The following USP54 variants were observed in gnomAD, a reference collection of about 807,000 sequenced individuals.
USP54 encodes the protein ubiquitin carboxyl-terminal hydrolase 54.
A neutral mutation model predicts 170.5 loss-of-function variants in USP54; 87 were observed. That is an observed-to-expected ratio of 0.51 (90% confidence interval 0.43 to 0.61). USP54 has a LOEUF of 0.61. Ranked by LOEUF, USP54 falls within the 20% of genes least tolerant of loss-of-function variation. USP54 has a pLI of 0.00. For synonymous variants in USP54, 655 were observed against 742.8 expected, an observed-to-expected ratio of 0.88 and a Z score of 1.92; for missense variants, 1,786 against 2,047.8, an observed-to-expected ratio of 0.87 and a Z score of 2.47.
chr10:73,498,660 C>T lies in USP54; in HGVS notation c.5024G>A (p.Arg1675Lys), dbSNP rs1329011707. 6.4e-7 allele frequency: 1 copy of T among 1,571,836 alleles called. No homozygotes were observed. The highest frequency in any genetic ancestry group is 2.3e-5 in the East Asian group (1 of 44,428). Residue 1675 changes from arginine to lysine, a missense_variant, in exon 24 of 24, where the codon AGG (arginine) becomes AAG (lysine). Around this residue, in one of 3 missense-constraint regions of USP54, gnomAD observed 1,418 missense variants for 1,569.0 expected, o/e 0.90. Coordinates refer to ENST00000687698, the MANE Select transcript of USP54 (RefSeq NM_001391956.1). ...LSDAPRREQIRARVLQHSQW is the reference protein window; with the variant it reads ...LSDAPRREQIKARVLQHSQW ...TTGACTGTGCTGCAGGACTCTAGCCCTGATCTGCTCTCTTCTGGGAGCATC... is the reference window on the plus strand; with the variant it reads ...TTGACTGTGCTGCAGGACTCTAGCCTTGATCTGCTCTCTTCTGGGAGCATC...
At chr10:73,578,686 G>A (rs193164853) in intron 1 of USP54, among the ~76,000 whole-genome samples, 28 of 152,306 alleles carry the variant, frequency 1.8e-4, no homozygotes, top group African/African-American at 6.5e-4. Context: ...TTACAGGCAT[G>A]AGCCACCGCA....
intron 1 of USP54, among the ~76,000 whole-genome samples, chr10:73,621,939 C>A (rs2081127903): frequency 6.6e-6 from 1 of 152,078 alleles, no homozygotes; most frequent in Non-Finnish European, 1.5e-5. Flanking sequence ...AAAACAGATA[C>A]CCCTATCCAT....
intron 1 of USP54, among the ~76,000 whole-genome samples, chr10:73,600,914 C>CA (rs1301403680): frequency 1.3e-5 from 2 of 152,098 alleles, no homozygotes; most frequent in Non-Finnish European, 2.9e-5. Flanking sequence ...AACTCTATCT[C>CA]AAAAAACTAC....
intron 15 of USP54, among the ~76,000 whole-genome samples, chr10:73,527,307 G>A (rs1180019469): frequency 1.3e-5 from 2 of 152,014 alleles, no homozygotes; most frequent in Admixed American, 6.6e-5. Context: ...AGACCATCCT[G>A]GCCAACATGG....
At chr10:73,521,914 T>A (rs2061961655) in intron 17 of USP54, among the ~76,000 whole-genome samples, 2 of 152,186 alleles carry the variant, frequency 1.3e-5, no homozygotes, top group African/African-American at 4.8e-5. Context: ...TGTTTATGTA[T>A]CCCTTGCCCT....
intron 16 of USP54, among the ~76,000 whole-genome samples, chr10:73,524,473 G>A (rs971780955): frequency 7.6e-4 from 115 of 152,016 alleles, no homozygotes; most frequent in African/African-American, 2.5e-3. Flanking sequence ...CCAGCTACTC[G>A]GGAGGCTGAG....
At chr10:73,505,060 C>T in intron 21 of USP54, 70 bp from the exon 22 acceptor site, 1 of 1,600,836 alleles carries the variant, frequency 6.2e-7, no homozygotes, top group Non-Finnish European at 8.5e-7. Context: ...AGACAGTATC[C>T]TCAGGGTATG....
intron 3 of USP54, among the ~76,000 whole-genome samples, chr10:73,574,198 A>G (rs1266134111): frequency 6.6e-6 from 1 of 152,204 alleles, no homozygotes; most frequent in African/African-American, 2.4e-5. Context: ...AGATCACTCA[A>G]GTGGCAAGCA....
At chr10:73,507,669 CAA>C (rs913305815) in intron 20 of USP54, among the ~76,000 whole-genome samples, 2 of 22,468 alleles carry the variant, frequency 8.9e-5, no homozygotes, top group African/African-American at 1.8e-4. Flanking sequence ...GACTCCGTCG[CAA>C]AAAAAAAAAA....
At chr10:73,592,275 C>T (rs938289629), upstream of USP54, among the ~76,000 whole-genome samples, 21 of 151,854 alleles carry the variant, frequency 1.4e-4, no homozygotes, top group Non-Finnish European at 4.4e-5. Context: ...CAGCAGAATC[C>T]TTGCCAAATA....
At chr10:73,532,274 G>A (rs538735645) in intron 12 of USP54, among the ~76,000 whole-genome samples, 363 of 152,046 alleles carry the variant, frequency 2.4e-3, no homozygotes, top group African/African-American at 8.6e-3. Context: ...CCGGGTTCAC[G>A]CCATTCTCCT....
chr10:73,507,840 G>T (rs1032233657), intron 20 of USP54, among the ~76,000 whole-genome samples: 13 of 151,514 alleles, frequency 8.6e-5, no homozygotes, highest in Non-Finnish European at 4.4e-5. Flanking sequence ...GAGAAAAAAA[G>T]CATTAAAAAA....
intron 20 of USP54, chr10:73,513,598 T>C (rs193247581): frequency 1.3e-5 from 2 of 152,248 alleles, no homozygotes; most frequent in Non-Finnish European, 2.9e-5. Context: ...CTCACAGATA[T>C]AACATGAGAA....
intron 4 of USP54, among the ~76,000 whole-genome samples, chr10:73,551,412 A>T: frequency 6.6e-6 from 1 of 152,228 alleles, no homozygotes; most frequent in East Asian, 1.9e-4. Context: ...TGTTACTGGA[A>T]GGGGAAGAAT....
intron 9 of USP54, among the ~76,000 whole-genome samples, chr10:73,540,250 G>C (rs946085416): frequency 6.6e-6 from 1 of 150,620 alleles, no homozygotes; most frequent in African/African-American, 2.4e-5. Flanking sequence ...CCTATCATAA[G>C]AGGAGCCAGG....
intron 1 of USP54, among the ~76,000 whole-genome samples, chr10:73,605,597 G>A (rs2079556453): frequency 6.6e-6 from 1 of 152,108 alleles, no homozygotes; most frequent in Non-Finnish European, 1.5e-5. Context: ...CAACAGGTAG[G>A]AGCCACCTAA....
chr10:73,519,558 T>G, intron 19 of USP54: 2 of 559,276 alleles, frequency 3.6e-6, no homozygotes, highest in Non-Finnish European at 3.1e-6. Flanking sequence ...AAGTTACCCA[T>G]GGGAAATGTG....
At chr10:73,560,028 A>T (rs2072448314) in intron 4 of USP54, among the ~76,000 whole-genome samples, 1 of 151,106 alleles carries the variant, frequency 6.6e-6, no homozygotes, top group African/African-American at 2.4e-5. Flanking sequence ...CTGGGTGACA[A>T]AGCGACCCCA....
chr10:73,534,210 CTTT>C (rs34747653), intron 12 of USP54, among the ~76,000 whole-genome samples: 3 of 144,190 alleles, frequency 2.1e-5, no homozygotes, highest in Admixed American at 6.9e-5. Context: ...TTTCTTTCTC[CTTT>C]TTTTTTTTTT....
Sources: allele counts gnomAD v4.1 joint callset (sites outside exome capture counted in the v4.1 genomes callset), GRCh38; gene constraint gnomAD v4.1.1; regional missense constraint gnomAD v4.1.1; transcripts MANE v1.5; gene names NCBI Gene and HGNC (gene_info 2026-07-23, HGNC 2026-07-21).